Variants in CREB5 observed in about 807,000 individuals in gnomAD.
CREB5 encodes cyclic AMP-responsive element-binding protein 5.
Under a neutral mutation model 57.1 loss-of-function variants are expected in CREB5, and 19 were observed. That is an observed-to-expected ratio of 0.33 (90% confidence interval 0.23 to 0.49). CREB5 has a LOEUF of 0.49. Ranked by LOEUF, CREB5 falls within the 20% of genes least tolerant of loss-of-function variation. The probability of loss-of-function intolerance (pLI) is 0.99; values close to 1 mark genes in which losing one functional copy is unlikely to be tolerated. For synonymous variants in CREB5, 238 were observed against 238.3 expected (o/e 1.00, Z 0.01); for missense variants, 579 against 671.6 (o/e 0.86, Z 1.52).
Position 28,825,263 on chromosome 7 carries a change from T to C in CREB5, c.*5984T>C, listed in dbSNP as rs1032337356. On this transcript the variant is annotated 3_prime_UTR_variant, in exon 11 of 11. Coordinates refer to ENST00000357727, the MANE Select transcript of CREB5 (RefSeq NM_182898.4). ...CCAGCAGCCAGTAGAAAATACAACC[T>C]ACTCACCTTTTTCCCTTCTAAGTTC... is the stretch of plus-strand genomic sequence containing the variant. 6.6e-6 allele frequency: 1 copy of C among 152,446 alleles called. No homozygotes were observed. Among genetic ancestry groups the C allele is most frequent in the African/African-American group, 2.4e-5 (1 of 41,426 alleles). The allele number at this position is 152,446 out of a possible 1,614,324, so 9.4% of individuals were successfully genotyped here. A position where few individuals can be genotyped will look rare whatever the true frequency, so the allele number is the denominator to read the frequency against.
At chr7:28,677,747 C>G (rs1562565806) in intron 5 of CREB5, among the ~76,000 whole-genome samples, 1 of 152,134 alleles carries the variant, frequency 6.6e-6, no homozygotes, top group African/African-American at 2.4e-5. Flanking sequence ...GTGGCACATA[C>G]CTGTACTGTA....
intron 1 of CREB5, among the ~76,000 whole-genome samples, chr7:28,326,837 A>C (rs2127985586): frequency 6.6e-6 from 1 of 152,296 alleles, no homozygotes; most frequent in Admixed American, 6.5e-5. Flanking sequence ...ACGTAGGTGG[A>C]TAAACATATA....
chr7:28,543,742 A>G (rs1794305661), intron 4 of CREB5, among the ~76,000 whole-genome samples: 1 of 151,940 alleles, frequency 6.6e-6, no homozygotes, highest in Non-Finnish European at 1.5e-5. Flanking sequence ...CTCTGTGTTT[A>G]ATATAACAGC....
At chr7:28,384,853 A>C (rs7785280) in intron 1 of CREB5, among the ~76,000 whole-genome samples, 97,216 of 152,086 alleles carry the variant, frequency 0.64, 33,844 homozygotes, top group Middle Eastern at 0.8. Context: ...ACTATAATCA[A>C]TTTAAATTGG....
At chr7:28,623,402 A>G (rs1169868875) in intron 5 of CREB5, among the ~76,000 whole-genome samples, 1 of 152,216 alleles carries the variant, frequency 6.6e-6, no homozygotes, top group Non-Finnish European at 1.5e-5. Context: ...AAGAGTCTTT[A>G]TATGTCAAAA....
chr7:28,413,576 C>G (rs935556796), intron 1 of CREB5, among the ~76,000 whole-genome samples: 1 of 152,046 alleles, frequency 6.6e-6, no homozygotes. Context: ...TTGAAAATAT[C>G]TCCAAGCCCA....
chr7:28,412,813 C>A lies in CREB5; in HGVS notation c.-102C>A. 1 of 1,107,806 alleles carries A rather than the reference C, an allele frequency of 9.0e-7. No individual in the cohort carries two copies. Among genetic ancestry groups the A allele is most frequent in the South Asian group, 2.2e-5 (1 of 45,686 alleles). The allele number at this position is 1,107,806 out of a possible 1,614,324, so 68.6% of individuals were successfully genotyped here. A position where few individuals can be genotyped will look rare whatever the true frequency, so the allele number is the denominator to read the frequency against. ...CAAATACTCAAGACTTATTTTCTTC[C>A]TAATCTTGCTGGTGAAACAGAAGTT... is the stretch of plus-strand genomic sequence containing the variant. On this transcript the variant is annotated 5_prime_UTR_variant, in exon 1 of 11. Coordinates refer to ENST00000357727, the MANE Select transcript of CREB5 (RefSeq NM_182898.4).
At chr7:28,509,080 TG>T (rs1792596115) in intron 4 of CREB5, among the ~76,000 whole-genome samples, 2 of 152,204 alleles carry the variant, frequency 1.3e-5, no homozygotes, top group Non-Finnish European at 2.9e-5. Context: ...ATTTTTTTTT[TG>T]ATAGACATGT....
In CREB5 at chr7:28,809,384, A is replaced by G. The variant is rs1583797116; in HGVS notation, c.1224A>G (p.Glu408=). 6.2e-7 allele frequency: 1 copy of G among 1,613,962 alleles called. No homozygotes were observed. ...VWVMSLEKKA[E]ELTQTNMQLQ... ...TGATGTCATTGGAAAAGAAAGCAGAAGAACTCACCCAGACAAACATGCAGC... is the reference window on the plus strand; with the variant it reads ...TGATGTCATTGGAAAAGAAAGCAGAGGAACTCACCCAGACAAACATGCAGC... Residue 408 remains glutamate, a synonymous_variant, in exon 9 of 11, where the codon GAA becomes GAG. Transcript: ENST00000357727.
chr7:28,542,155 A>C (rs1794233870), intron 4 of CREB5, among the ~76,000 whole-genome samples: 1 of 152,220 alleles, frequency 6.6e-6, no homozygotes, highest in African/African-American at 2.4e-5. Flanking sequence ...TTTAATCTTC[A>C]CAACTACCGA....
At chr7:28,598,110 A>T (rs530272194) in intron 5 of CREB5, among the ~76,000 whole-genome samples, 1 of 152,200 alleles carries the variant, frequency 6.6e-6, no homozygotes, top group South Asian at 2.1e-4. Context: ...CAGAATTCCC[A>T]CATGTTGTGG....
chr7:28,326,611 C>A (rs1785612930), intron 1 of CREB5, among the ~76,000 whole-genome samples: 1 of 152,182 alleles, frequency 6.6e-6, no homozygotes, highest in Non-Finnish European at 1.5e-5. Context: ...TGCATAGACA[C>A]CAGTGAACAA....
Position 28,373,271 on chromosome 7 carries a change from C to A in CREB5, c.-25+73830C>A, listed in dbSNP as rs528932441. ...AAAGGCACAGAGATTTCAGAGATTT[C>A]AGTAAGTTGCTCTTTGTTATATTGT... On this transcript the variant is annotated intron_variant, in intron 1 of 9. Transcript: ENST00000396299. Among the ~76,000 whole-genome samples, 92 of 152,184 alleles carry A rather than the reference C, an allele frequency of 6.0e-4. 1 individual carries two copies. In the South Asian group the frequency reaches 0.018, roughly 29 times the overall value.
chr7:28,706,572 G>C (rs1298749828), intron 5 of CREB5, among the ~76,000 whole-genome samples: 2 of 152,166 alleles, frequency 1.3e-5, no homozygotes, highest in Admixed American at 6.6e-5. Context: ...GCAAAGCCAG[G>C]TTGAAAAGCC....
intron 4 of CREB5, among the ~76,000 whole-genome samples, chr7:28,551,961 T>C (rs1395538539): frequency 4.7e-5 from 7 of 148,794 alleles, no homozygotes; most frequent in African/African-American, 1.8e-4. Flanking sequence ...TTCTTTCTCT[T>C]TTTTATTCTC....
chr7:28,679,052 C>CTTTTTTTT (rs56266854), intron 5 of CREB5, among the ~76,000 whole-genome samples: 7 of 123,852 alleles, frequency 5.7e-5, no homozygotes, highest in Admixed American at 8.8e-5. Flanking sequence ...TTTTGTAGTT[C>CTTTTTTTT]TTTTTTTTTT....
chr7:28,709,244 G>A (rs1301115582), intron 5 of CREB5, among the ~76,000 whole-genome samples: 1 of 152,060 alleles, frequency 6.6e-6, no homozygotes, highest in African/African-American at 2.4e-5. Flanking sequence ...AAAGCCAACT[G>A]TTCAGGCTTT....
rs1554278720 is a variant in CREB5, at chr7:28,638,294, C to CACACACACACAT, written c.464+67757_464+67758insACACACACACAT. On this transcript the variant is annotated intron_variant, in intron 5 of 10. Transcript: ENST00000357727. Reference sequence around the variant, plus strand: ...ACACACACACACACACACACACACACGAACACACACACACACAGTGAGGGC... The same window carrying CACACACACACAT: ...ACACACACACACACACACACACACACACACACACACATGAACACACACACACACAGTGAGGGC... Among the ~76,000 whole-genome samples, 313 of 128,046 alleles carry CACACACACACAT rather than the reference C, an allele frequency of 2.4e-3. 1 individual carries two copies. Among genetic ancestry groups the CACACACACACAT allele is most frequent in the African/African-American group, 8.5e-3 (299 of 34,990 alleles). 84.0% of individuals were successfully genotyped at this position (128,046 alleles called of 152,430 possible).
At chr7:28,748,753 G>A (rs375733102) in intron 7 of CREB5, among the ~76,000 whole-genome samples, 10 of 152,312 alleles carry the variant, frequency 6.6e-5, no homozygotes, top group Admixed American at 3.9e-4. Flanking sequence ...AGGCCCCAGC[G>A]TGCAATGAGG....
Sources: allele counts gnomAD v4.1 joint callset (sites outside exome capture counted in the v4.1 genomes callset), GRCh38; gene constraint gnomAD v4.1.1; transcripts MANE v1.5; gene names NCBI Gene and HGNC (gene_info 2026-07-23, HGNC 2026-07-21).